Variants in ATXN1 observed in about 807,000 individuals in gnomAD.
ATXN1 encodes ataxin 1.
In ATXN1, 8 loss-of-function variants were observed where a neutral mutation model predicts 56.4. That is an observed-to-expected ratio of 0.14 (90% CI 0.08 to 0.26). ATXN1 has a LOEUF of 0.26. Among genes scored for constraint, ATXN1 ranks in the 10% least tolerant of loss-of-function variants. The pLI is 1.00. For missense variants in ATXN1, 987 were observed against 1,106.5 expected (o/e 0.89, Z 1.53); for synonymous variants, 514 against 494.6 (o/e 1.04, Z -0.52).
rs924846633 is a variant in ATXN1 at position 16,417,626 on chromosome 6, G to T, written c.-161+68346C>A. Among the ~76,000 whole-genome samples, 7 of 152,008 alleles carry T rather than the reference G, an allele frequency of 4.6e-5. No individual in the cohort carries two copies. The South Asian group carries it at 1.5e-3, about 32-fold the overall frequency. The stretch of plus-strand genomic sequence containing the variant: ...GCTAATTTTTTGTATATTTACTAGA[G>T]ACGGGGTTTCGCCATATTAGCCAGG... On this transcript the variant is annotated intron_variant, in intron 6 of 7. Coordinates refer to ENST00000436367, the MANE Select transcript of ATXN1 (RefSeq NM_001128164.2).
intron 6 of ATXN1, among the ~76,000 whole-genome samples, chr6:16,369,563 T>C (rs1761997954): frequency 6.6e-6 from 1 of 152,242 alleles, no homozygotes; most frequent in African/African-American, 2.4e-5. Context: ...GGTTAACCTC[T>C]AGCATTTGCA....
At chr6:16,314,619 A>AT (rs1176144000) in intron 7 of ATXN1, among the ~76,000 whole-genome samples, 1 of 151,728 alleles carries the variant, frequency 6.6e-6, no homozygotes, top group Non-Finnish European at 1.5e-5. Flanking sequence ...TGTTATTATT[A>AT]TTATTTTTTT....
chr6:16,425,832 T>C (rs1255999273), intron 6 of ATXN1, among the ~76,000 whole-genome samples: 1 of 152,114 alleles, frequency 6.6e-6, no homozygotes, highest in Non-Finnish European at 1.5e-5. Context: ...ACGGCTGCAA[T>C]ATCAGGGTCA....
At chr6:16,539,886 G>A (rs933127206) in intron 4 of ATXN1, among the ~76,000 whole-genome samples, 10 of 152,132 alleles carry the variant, frequency 6.6e-5, no homozygotes, top group African/African-American at 2.2e-4. Context: ...ATGACACACC[G>A]AAGGCAGAAA....
At chr6:16,678,993 G>A (rs568901932) in intron 2 of ATXN1, among the ~76,000 whole-genome samples, 1 of 151,386 alleles carries the variant, frequency 6.6e-6, no homozygotes, top group Non-Finnish European at 1.5e-5. Context: ...CCGAGATCAC[G>A]CCACTGCACC....
chr6:16,590,671 C>T (rs1008242269), intron 3 of ATXN1, among the ~76,000 whole-genome samples: 9 of 145,252 alleles, frequency 6.2e-5, no homozygotes, highest in Non-Finnish European at 1.4e-4. Context: ...TCATAACATT[C>T]TTTTTTTTTT....
intron 3 of ATXN1, among the ~76,000 whole-genome samples, chr6:16,610,626 C>T (rs528587846): frequency 7.9e-5 from 12 of 152,146 alleles, no homozygotes; most frequent in African/African-American, 2.6e-4. Context: ...GCAACAAAAA[C>T]ACAATGTATT....
chr6:16,659,195 T>G (rs544735499), intron 2 of ATXN1, among the ~76,000 whole-genome samples: 2 of 152,334 alleles, frequency 1.3e-5, no homozygotes, highest in South Asian at 4.1e-4. Flanking sequence ...TGCCTGAAAA[T>G]GGCAAAAGCC....
At chr6:16,315,744 C>G (rs1405222317) in intron 7 of ATXN1, among the ~76,000 whole-genome samples, 1 of 152,102 alleles carries the variant, frequency 6.6e-6, no homozygotes, top group Non-Finnish European at 1.5e-5. Flanking sequence ...CTCACTGCAG[C>G]CTTGACCTCG....
rs566661305 is a variant in ATXN1, at chr6:16,403,761, C to G, written c.-160-75291G>C. Among the ~76,000 whole-genome samples the G allele has an allele frequency of 7.2e-5, 11 of 152,234 alleles. No individual in the cohort carries two copies. In the South Asian group the frequency reaches 2.1e-3, roughly 29 times the overall value. On this transcript the variant is annotated intron_variant, in intron 6 of 7. Coordinates refer to ENST00000436367, the MANE Select transcript of ATXN1 (RefSeq NM_001128164.2). ...TTCTACCTCCAAAACTCTCCTCATC[C>G]TGAAAAAAAGCACAGACAGCAGGAA...
intron 6 of ATXN1, chr6:16,432,830 T>G (rs1256744236): frequency 6.6e-6 from 1 of 152,170 alleles, no homozygotes; most frequent in East Asian, 1.9e-4. Context: ...CATGGAAGCC[T>G]GCCAATGTCT....
intron 3 of ATXN1, among the ~76,000 whole-genome samples, chr6:16,595,231 G>T (rs1000056454): frequency 6.6e-6 from 1 of 152,142 alleles, no homozygotes; most frequent in Non-Finnish European, 1.5e-5. Context: ...TAGCAAAATC[G>T]AAAAACTTTG....
chr6:16,443,841 G>A (rs960829110), intron 6 of ATXN1, among the ~76,000 whole-genome samples: 3 of 152,176 alleles, frequency 2.0e-5, no homozygotes, highest in African/African-American at 4.8e-5. Context: ...ACACGGCCAG[G>A]CACGATGGCT....
intron 6 of ATXN1, among the ~76,000 whole-genome samples, chr6:16,417,862 T>C (rs1383843400): frequency 6.6e-6 from 1 of 152,034 alleles, no homozygotes; most frequent in Admixed American, 6.6e-5. Context: ...GAAGGCTAAA[T>C]ATAAAGGCAG....
intron 2 of ATXN1, among the ~76,000 whole-genome samples, chr6:16,707,306 A>G (rs1759428858): frequency 1.3e-5 from 2 of 152,204 alleles, no homozygotes; most frequent in Admixed American, 6.5e-5. Context: ...ATAGGGTAGG[A>G]AAAAATAAAA....
intron 4 of ATXN1, among the ~76,000 whole-genome samples, chr6:16,547,977 A>G (rs1228685167): frequency 6.6e-6 from 1 of 152,176 alleles, no homozygotes; most frequent in Non-Finnish European, 1.5e-5. Flanking sequence ...TGTGTTGGGT[A>G]GCGGTGGGCT....
chr6:16,547,323 C>G (rs1246322054), intron 4 of ATXN1, among the ~76,000 whole-genome samples: 4 of 152,110 alleles, frequency 2.6e-5, no homozygotes, highest in African/African-American at 4.8e-5. Context: ...AACCCCAAAC[C>G]CTGAGATTTG....
chr6:16,494,586 G>A (rs1393075236), intron 5 of ATXN1, among the ~76,000 whole-genome samples: 5 of 152,160 alleles, frequency 3.3e-5, no homozygotes, highest in Non-Finnish European at 7.3e-5. Flanking sequence ...AGAGACTGCT[G>A]CTGTGTGTAT....
At chr6:16,562,828 A>C (rs1019369350) in intron 4 of ATXN1, among the ~76,000 whole-genome samples, 2 of 152,034 alleles carry the variant, frequency 1.3e-5, no homozygotes, top group African/African-American at 4.8e-5. Context: ...GGTCAAAATA[A>C]GGGCTCCTTT....
Sources: gnomAD v4.1 joint callset for allele counts (sites outside exome capture counted in the v4.1 genomes callset) on GRCh38, gnomAD v4.1.1 for gene constraint, MANE v1.5 for transcripts, NCBI Gene and HGNC (gene_info 2026-07-23, HGNC 2026-07-21) for gene names.